PTPRN2: variants seen among roughly 807,000 people sequenced by gnomAD.
PTPRN2 encodes protein tyrosine phosphatase receptor type N2, also known as receptor-type tyrosine-protein phosphatase N2.
PTPRN2 carries 74 observed loss-of-function variants against 118.8 expected under a neutral mutation model. The ratio of observed to expected loss-of-function variants is 0.62; its 90% CI spans 0.52 to 0.76. PTPRN2 has a LOEUF of 0.76. PTPRN2 is among the 30% of genes least tolerant of loss of function. The pLI is 0.00. For synonymous variants in PTPRN2, 641 were observed against 608.0 expected, an observed-to-expected ratio of 1.05 and a Z score of -0.80; for missense variants, 1,481 against 1,394.4, an observed-to-expected ratio of 1.06 and a Z score of -0.99.
intron 9 of PTPRN2, among the ~76,000 whole-genome samples, chr7:158,121,706 A>T (rs1335864671): frequency 6.6e-6 from 1 of 152,224 alleles, no homozygotes; most frequent in Non-Finnish European, 1.5e-5. Flanking sequence ...CACAACAAGG[A>T]AGTCCACAAG....
At chr7:157,677,842 C>T (rs1437917675) in intron 13 of PTPRN2, among the ~76,000 whole-genome samples, 1 of 152,196 alleles carries the variant, frequency 6.6e-6, no homozygotes, top group African/African-American at 2.4e-5. Flanking sequence ...TTAGCATTTG[C>T]TGATTCCTAG....
intron 15 of PTPRN2, among the ~76,000 whole-genome samples, chr7:157,613,784 G>T (rs975074744): frequency 3.3e-5 from 5 of 152,186 alleles, no homozygotes; most frequent in African/African-American, 1.2e-4. Context: ...CGTTTGTCGC[G>T]TAGTCCTCGA....
chr7:158,011,686 A>C (rs1443530995), intron 11 of PTPRN2, among the ~76,000 whole-genome samples: 1 of 152,262 alleles, frequency 6.6e-6, no homozygotes, highest in Non-Finnish European at 1.5e-5. Context: ...TTGGGAACTT[A>C]TCCTACAAAC....
chr7:158,336,953 ACTCACACTCT>A (rs1805691581), intron 2 of PTPRN2, among the ~76,000 whole-genome samples: 1 of 20,476 alleles, frequency 4.9e-5, no homozygotes, highest in South Asian at 3.2e-3. Context: ...CGTCACTCAC[ACTCACACTCT>A]CACCATAAGA....
At chr7:158,387,031 G>A (rs1811440385) in intron 2 of PTPRN2, among the ~76,000 whole-genome samples, 1 of 152,138 alleles carries the variant, frequency 6.6e-6, no homozygotes, top group South Asian at 2.1e-4. Flanking sequence ...GATCGCGTCT[G>A]CCCAGGCTCT....
intron 2 of PTPRN2, among the ~76,000 whole-genome samples, chr7:158,378,523 C>T (rs1319750936): frequency 1.3e-5 from 2 of 152,194 alleles, no homozygotes; most frequent in African/African-American, 4.8e-5. Context: ...GTGAGCTGCT[C>T]CCCACAGGCC....
In PTPRN2 at chr7:157,669,565, G is replaced by A. The variant is rs753569852; in HGVS notation, c.2002-13014C>T. The A allele has an allele frequency of 2.5e-5, 12 of 489,710 alleles. No homozygotes were observed. The East Asian group carries it at 7.3e-4, about 30-fold the overall frequency. 30.3% of individuals were successfully genotyped at this position (489,710 alleles called of 1,614,324 possible). A position where few individuals can be genotyped will look rare whatever the true frequency, so the allele number is the denominator to read the frequency against. On this transcript the variant is annotated intron_variant, in intron 13 of 22. Coordinates refer to ENST00000389418, the MANE Select transcript of PTPRN2 (RefSeq NM_002847.5). ...TGTAAGCACAGCTCCTGCAGGAAGG[G>A]GTTCCACGCACGGGCAAACAAGCCG...
chr7:157,594,423 G>T (rs970486884), intron 17 of PTPRN2, among the ~76,000 whole-genome samples: 2 of 148,694 alleles, frequency 1.3e-5, no homozygotes, highest in African/African-American at 5.1e-5. Context: ...CCGGGCTGTG[G>T]ATCGCCAGGA....
chr7:158,362,783 G>A (rs1302077337), intron 2 of PTPRN2, among the ~76,000 whole-genome samples: 1 of 152,182 alleles, frequency 6.6e-6, no homozygotes, highest in Non-Finnish European at 1.5e-5. Context: ...GAAGGCAGGG[G>A]TCTGAAAGCC....
intron 9 of PTPRN2, among the ~76,000 whole-genome samples, chr7:158,132,668 T>TAC (rs538701434): frequency 0.019 from 2,812 of 151,458 alleles, 72 homozygotes; most frequent in African/African-American, 0.057. Flanking sequence ...CACACTCATA[T>TAC]ACACACAGAT....
chr7:157,897,196 G>A (rs1406617812), intron 12 of PTPRN2, among the ~76,000 whole-genome samples: 2 of 152,102 alleles, frequency 1.3e-5, no homozygotes, highest in Non-Finnish European at 2.9e-5. Context: ...AGCTCGGAAG[G>A]GAGAGGAAAG....
intron 3 of PTPRN2, among the ~76,000 whole-genome samples, chr7:158,257,516 G>T (rs1006542361): frequency 2.0e-5 from 3 of 152,176 alleles, no homozygotes; most frequent in African/African-American, 7.2e-5. Context: ...CTTCCTTCTG[G>T]GGGGCCCTCA....
At chr7:158,567,785 G>A (rs1827750941) in intron 1 of PTPRN2, among the ~76,000 whole-genome samples, 2 of 152,104 alleles carry the variant, frequency 1.3e-5, no homozygotes. Context: ...CCTGATGAGG[G>A]GCAGAGAAAA....
At chr7:157,959,883 G>A (rs576623268) in intron 11 of PTPRN2, among the ~76,000 whole-genome samples, 12 of 152,298 alleles carry the variant, frequency 7.9e-5, no homozygotes, top group African/African-American at 2.9e-4. Context: ...TTTCTACACT[G>A]ACATGTATAG....
At chr7:157,886,462 T>G (rs557657482) in intron 12 of PTPRN2, among the ~76,000 whole-genome samples, 76 of 152,226 alleles carry the variant, frequency 5.0e-4, no homozygotes, top group African/African-American at 1.8e-3. Context: ...TGATATTGAA[T>G]AAAAATTGAA....
At chr7:158,081,252 GCA>G (rs1491171781) in intron 11 of PTPRN2, 44 bp downstream of exon 11, 45 of 1,477,548 alleles carry the variant, frequency 3.0e-5, no homozygotes, top group South Asian at 1.0e-4. Flanking sequence ...GTGTGTGTGT[GCA>G]CACACGTGTG....
intron 12 of PTPRN2, among the ~76,000 whole-genome samples, chr7:157,891,732 A>G (rs937175390): frequency 6.6e-6 from 1 of 152,136 alleles, no homozygotes; most frequent in Non-Finnish European, 1.5e-5. Flanking sequence ...GCAGCAGGCA[A>G]CAGAAGCCTG....
chr7:157,930,275 C>A (rs1455978152), intron 11 of PTPRN2, among the ~76,000 whole-genome samples: 1 of 152,126 alleles, frequency 6.6e-6, no homozygotes, highest in African/African-American at 2.4e-5. Context: ...TAGCATACAG[C>A]GTGTTAAGTG....
intron 2 of PTPRN2, among the ~76,000 whole-genome samples, chr7:158,456,020 G>A (rs1274898175): frequency 2.0e-5 from 3 of 150,532 alleles, no homozygotes; most frequent in Non-Finnish European, 2.9e-5. Context: ...TAACAGCATG[G>A]ACGCCATCAG....
Sources: gnomAD v4.1 joint callset for allele counts (sites outside exome capture counted in the v4.1 genomes callset) on GRCh38, gnomAD v4.1.1 for gene constraint, MANE v1.5 for transcripts, NCBI Gene and HGNC (gene_info 2026-07-23, HGNC 2026-07-21) for gene names.